The following AGBL1 variants were observed in gnomAD, a reference collection of about 807,000 sequenced individuals.
AGBL1 encodes the protein cytosolic carboxypeptidase 4.
A neutral mutation model predicts 118.9 loss-of-function variants in AGBL1; 130 were observed. The observed-to-expected ratio is 1.09, with a 90% confidence interval of 0.95 to 1.26. AGBL1 has a LOEUF of 1.26. Among genes scored for constraint, AGBL1 ranks in the 50% most tolerant of loss-of-function variants. The pLI is 0.00. For missense variants in AGBL1, 1,584 were observed against 1,298.1 expected (o/e 1.22, Z -3.38); for synonymous variants, 555 against 478.9 (o/e 1.16, Z -2.08).
intron 22 of AGBL1, among the ~76,000 whole-genome samples, chr15:86,850,582 C>A (rs946719404): frequency 2.6e-5 from 4 of 152,158 alleles, no homozygotes; most frequent in Non-Finnish European, 5.9e-5. Flanking sequence ...TTCCTCCCAC[C>A]CTCATTTCCT....
chr15:86,152,666 G>A (rs375907886), intron 3 of AGBL1, among the ~76,000 whole-genome samples: 13 of 152,188 alleles, frequency 8.5e-5, no homozygotes, highest in South Asian at 4.2e-4. Flanking sequence ...GAAACACATG[G>A]GATCTAATTA....
At chr15:86,470,628 C>A (rs2082467470) in intron 18 of AGBL1, among the ~76,000 whole-genome samples, 1 of 152,164 alleles carries the variant, frequency 6.6e-6, no homozygotes, top group Non-Finnish European at 1.5e-5. Context: ...TCACTTGTAG[C>A]ATGGACATTT....
At chr15:86,215,955 A>G (rs1278552305) in intron 5 of AGBL1, among the ~76,000 whole-genome samples, 1 of 152,164 alleles carries the variant, frequency 6.6e-6, no homozygotes, top group African/African-American at 2.4e-5. Context: ...TCTAGTTCTC[A>G]GTATAAAAGG....
At position 86,300,912 on chromosome 15, in the gene AGBL1, A is replaced by G. The variant is rs147878903; in HGVS notation, c.2374+5504A>G. On this transcript the variant is annotated intron_variant, in intron 17 of 22. Coordinates refer to ENST00000614907, the MANE Select transcript of AGBL1 (RefSeq NM_001386094.1). Reference sequence around the variant, plus strand: ...TGGGGTCCCGAGGGTGTAATGAGCTACTGCGGCACCTGCCTTGGGTTGGGA... The same window carrying G: ...TGGGGTCCCGAGGGTGTAATGAGCTGCTGCGGCACCTGCCTTGGGTTGGGA... Among the ~76,000 whole-genome samples, 9 of 152,342 alleles carry G rather than the reference A, an allele frequency of 5.9e-5. No homozygotes were observed. The East Asian group carries it at 1.7e-3, about 29-fold the overall frequency.
chr15:86,748,542 T>G (rs1276455806), intron 22 of AGBL1, among the ~76,000 whole-genome samples: 30 of 122,308 alleles, frequency 2.5e-4, no homozygotes, highest in African/African-American at 9.1e-4. Flanking sequence ...TTTTTTTTTT[T>G]TTTTGCCATT....
intron 22 of AGBL1, among the ~76,000 whole-genome samples, chr15:86,693,570 C>T (rs1200881988): frequency 6.6e-6 from 1 of 151,636 alleles, no homozygotes; most frequent in African/African-American, 2.4e-5. Context: ...TACTCTGTTC[C>T]TTTTGCTGTG....
chr15:86,471,256 G>T (rs541164800), intron 18 of AGBL1, among the ~76,000 whole-genome samples: 32 of 152,230 alleles, frequency 2.1e-4, no homozygotes, highest in Middle Eastern at 3.4e-3. Context: ...TATCATGAAA[G>T]CATGTTGAAT....
intron 22 of AGBL1, among the ~76,000 whole-genome samples, chr15:86,856,451 G>A (rs1422869170): frequency 6.6e-6 from 1 of 152,206 alleles, no homozygotes; most frequent in Non-Finnish European, 1.5e-5. Context: ...GACTAAGCTA[G>A]CAAAGACAGA....
intron 1 of AGBL1, among the ~76,000 whole-genome samples, chr15:86,119,976 C>A (rs531278524): frequency 4.6e-5 from 7 of 152,288 alleles, no homozygotes; most frequent in Admixed American, 2.0e-4. Flanking sequence ...GATTTCCATT[C>A]ATTCATGTAC....
In AGBL1 at chr15:86,545,376, A is replaced by T. The variant is rs1000112812; in HGVS notation, c.2686-626A>T. 8.3e-4 allele frequency among the ~76,000 whole-genome samples: 126 copies of T among 152,168 alleles called. 2 individuals are homozygous for T. Among genetic ancestry groups the T allele is most frequent in the Non-Finnish European group, 2.2e-4 (15 of 68,034 alleles). On this transcript the variant is annotated intron_variant, in intron 19 of 22. Coordinates refer to ENST00000614907, the MANE Select transcript of AGBL1 (RefSeq NM_001386094.1). ...TATTTCACCAATTCCCTTTTGAAGG[A>T]TCTTTCCTATTGACTTTTATTTTAA...
chr15:86,457,918 T>G (rs1053097772), intron 18 of AGBL1, among the ~76,000 whole-genome samples: 11 of 152,208 alleles, frequency 7.2e-5, no homozygotes, highest in African/African-American at 2.7e-4. Context: ...TGTGGGGCCC[T>G]TGGCCTCTTT....
chr15:86,358,952 AT>A lies in AGBL1; in HGVS notation c.2375-38404del, dbSNP rs200755043. Reference sequence around the variant, plus strand: ...TTTATCAGATGTATGATTTGCAAGTATTTTTTTTTTCCATTTTGTAGGTTGC... The same window carrying A: ...TTTATCAGATGTATGATTTGCAAGTATTTTTTTTTCCATTTTGTAGGTTGC... On this transcript the variant is annotated intron_variant, in intron 17 of 22. Coordinates refer to ENST00000614907, the MANE Select transcript of AGBL1 (RefSeq NM_001386094.1). Among the ~76,000 whole-genome samples the A allele has an allele frequency of 5.1e-3, 762 of 148,078 alleles. 7 individuals carry two copies. Among genetic ancestry groups the A allele is most frequent in the African/African-American group, 0.016 (649 of 40,454 alleles).
chr15:86,275,289 A>T (rs2079232080), intron 15 of AGBL1, among the ~76,000 whole-genome samples: 1 of 152,170 alleles, frequency 6.6e-6, no homozygotes, highest in Non-Finnish European at 1.5e-5. Flanking sequence ...ACTCATGAAG[A>T]TGAATGTCAT....
chr15:86,106,233 G>C (rs1347562677), intron 1 of AGBL1, among the ~76,000 whole-genome samples: 1 of 152,202 alleles, frequency 6.6e-6, no homozygotes, highest in Non-Finnish European at 1.5e-5. Context: ...GTCTTTGTAA[G>C]ATGTGATCCC....
At chr15:86,221,625 A>G (rs571079180) in intron 5 of AGBL1, among the ~76,000 whole-genome samples, 1 of 152,286 alleles carries the variant, frequency 6.6e-6, no homozygotes, top group East Asian at 1.9e-4. Flanking sequence ...GAGCGACTCG[A>G]TGTCTGGATC....
chr15:86,304,648 C>A (rs555641470), intron 17 of AGBL1, among the ~76,000 whole-genome samples: 53 of 152,250 alleles, frequency 3.5e-4, no homozygotes, highest in African/African-American at 1.3e-3. Context: ...GGACCTTTAA[C>A]CTCTCTTGGA....
chr15:87,014,441 C>T (rs1027103964), intron 24 of AGBL1, among the ~76,000 whole-genome samples: 7 of 152,266 alleles, frequency 4.6e-5, no homozygotes, highest in African/African-American at 1.4e-4. Flanking sequence ...GTGAGAGTGA[C>T]TGCAATATTG....
intron 17 of AGBL1, among the ~76,000 whole-genome samples, chr15:86,342,902 C>T (rs372268137): frequency 2.0e-5 from 3 of 152,248 alleles, no homozygotes; most frequent in East Asian, 3.9e-4. Flanking sequence ...TTAGATTTTC[C>T]TATGAGAGCA....
At chr15:86,788,118 G>A (rs1240544714) in intron 22 of AGBL1, among the ~76,000 whole-genome samples, 1 of 152,160 alleles carries the variant, frequency 6.6e-6, no homozygotes, top group East Asian at 1.9e-4. Context: ...GAAAAGAACA[G>A]GATCTAGAAG....
Sources: allele counts gnomAD v4.1 joint callset (sites outside exome capture counted in the v4.1 genomes callset), GRCh38; gene constraint gnomAD v4.1.1; transcripts MANE v1.5; gene names NCBI Gene and HGNC (gene_info 2026-07-23, HGNC 2026-07-21).